C5orf46: variants seen among roughly 807,000 people sequenced by gnomAD.
C5orf46 encodes the protein uncharacterized protein C5orf46.
A neutral mutation model predicts 8.9 loss-of-function variants in C5orf46; 9 were observed. The ratio of observed to expected loss-of-function variants is 1.01; its 90% CI spans 0.61 to 1.76. The LOEUF is 1.76. Ranked by LOEUF, C5orf46 falls within the 40% of genes most tolerant of loss-of-function variation. The pLI is 0.00. For synonymous variants in C5orf46, 47 were observed against 41.4 expected, an observed-to-expected ratio of 1.14 and a Z score of -0.52; for missense variants, 98 against 107.8, an observed-to-expected ratio of 0.91 and a Z score of 0.40.
At chr5:147,888,806 T>C (rs970823527), downstream of C5orf46, among the ~76,000 whole-genome samples, 5 of 152,204 alleles carry the variant, frequency 3.3e-5, no homozygotes, top group Non-Finnish European at 7.3e-5. Flanking sequence ...TTGTTCAGTA[T>C]TTAAATTGTG....
intron 2 of C5orf46, among the ~76,000 whole-genome samples, chr5:147,898,375 C>G (rs1004344602): frequency 6.6e-6 from 1 of 151,820 alleles, no homozygotes; most frequent in Non-Finnish European, 1.5e-5. Flanking sequence ...TTGAGAAGAT[C>G]CTTAGATTTC....
rs186845960 is a variant in C5orf46 at position 147,895,840 on chromosome 5, G to A, written c.*9+1144C>T. ...TAAGAGTCAGGAGTGTCGGGGTTGGGCATGTTTTGATTTCAATGCCCAAGC... is the reference window on the plus strand; with the variant it reads ...TAAGAGTCAGGAGTGTCGGGGTTGGACATGTTTTGATTTCAATGCCCAAGC... On this transcript the variant is annotated intron_variant, in intron 3 of 3. Coordinates refer to ENST00000318315, the MANE Select transcript of C5orf46 (RefSeq NM_206966.3). 1.1e-4 allele frequency among the ~76,000 whole-genome samples: 16 copies of A among 152,280 alleles called. No homozygotes were observed. In the East Asian group the frequency reaches 1.7e-3, roughly 17 times the overall value.
chr5:147,890,700 G>A (rs1757490215), downstream of C5orf46, among the ~76,000 whole-genome samples: 1 of 152,078 alleles, frequency 6.6e-6, no homozygotes, highest in African/African-American at 2.4e-5. Flanking sequence ...GCACAGGGAA[G>A]AGGAAATGTA....
At chr5:147,891,218 T>G (rs192149127), downstream of C5orf46, among the ~76,000 whole-genome samples, 9 of 152,290 alleles carry the variant, frequency 5.9e-5, no homozygotes, top group African/African-American at 1.9e-4. Context: ...CTAATTCACT[T>G]CAATCGCATT....
At chr5:147,888,045 C>T (rs1239091958), downstream of C5orf46, among the ~76,000 whole-genome samples, 1 of 152,158 alleles carries the variant, frequency 6.6e-6, no homozygotes, top group South Asian at 2.1e-4. Flanking sequence ...ATTTTGTATC[C>T]AATGTTCTCC....
chr5:147,901,737 T>C lies in C5orf46; in HGVS notation c.107A>G (p.Asp36Gly). Reference protein sequence around the residue: ...KPDKPDDKPDDSGKDPKPDFP... With the variant: ...KPDKPDDKPDGSGKDPKPDFP... ...GTCTGGCTTTGGGTCTTTGCCCGAG[T>C]CGTCTGGCTTGTCGTCTGGCTTGTC... The change falls in exon 2 of 4, where the codon GAC becomes GGC. Residue 36 changes from aspartate (D) to glycine (G), a missense_variant. Transcript: ENST00000318315. The C allele has an allele frequency of 3.1e-6, 5 of 1,613,828 alleles. No homozygotes were observed. The South Asian group carries it at 5.5e-5, about 18-fold the overall frequency.
At chr5:147,901,006 C>T (rs748520814) in intron 2 of C5orf46, among the ~76,000 whole-genome samples, 3 of 152,062 alleles carry the variant, frequency 2.0e-5, no homozygotes, top group African/African-American at 4.8e-5. Context: ...GTGATCTGCC[C>T]GAAGGCAGTC....
chr5:147,887,706 A>G (rs1399106331), intron 2 of C5orf46: 2 of 152,220 alleles, frequency 1.3e-5, no homozygotes, highest in Non-Finnish European at 2.9e-5. Flanking sequence ...GATAATAACA[A>G]TAAAGGAAAA....
At chr5:147,904,908 AC>A (rs1194853746) in intron 1 of C5orf46, among the ~76,000 whole-genome samples, 12 of 150,202 alleles carry the variant, frequency 8.0e-5, no homozygotes, top group African/African-American at 2.7e-4. Context: ...TTATCGTAGT[AC>A]CAATCCCAAG....
chr5:147,894,499 C>T (rs1424025382), intron 3 of C5orf46, among the ~76,000 whole-genome samples: 2 of 152,024 alleles, frequency 1.3e-5, no homozygotes, highest in South Asian at 2.1e-4. Context: ...AGAATCTCTT[C>T]TCTCAGAGTT....
chr5:147,893,943 T>A (rs1757543407), intron 3 of C5orf46, among the ~76,000 whole-genome samples: 1 of 149,382 alleles, frequency 6.7e-6, no homozygotes, highest in Non-Finnish European at 1.5e-5. Context: ...AAAAGAAAAA[T>A]TTTCCATAAG....
chr5:147,897,040 CT>C lies in C5orf46; in HGVS notation c.216del (p.Gly73AspfsTer82). On this transcript the variant is annotated frameshift_variant and splice_region_variant, in exon 3 of 4. Transcript: ENST00000318315. LOFTEE classifies it high-confidence loss of function. ...EFILRSMSRS[T>X]GFMEFDDNEG... Reference sequence around the variant, plus strand: ...TCATTATCATCAAATTCCATAAATCCTCTTGAGAAAAAAAGAGAAAATAAGA... The same window carrying C: ...TCATTATCATCAAATTCCATAAATCCCTTGAGAAAAAAAGAGAAAATAAGA... 1 of 1,448,808 alleles carries C rather than the reference CT, an allele frequency of 6.9e-7. No homozygotes were observed. The highest frequency in any genetic ancestry group is 9.5e-7 in the Non-Finnish European group (1 of 1,051,784). The allele number at this position is 1,448,808 out of a possible 1,614,324, so 89.7% of individuals were successfully genotyped here. A position where few individuals can be genotyped will look rare whatever the true frequency, so the allele number is the denominator to read the frequency against.
intron 2 of C5orf46, among the ~76,000 whole-genome samples, chr5:147,898,349 G>T (rs115045567): frequency 6.6e-6 from 1 of 152,142 alleles, no homozygotes; most frequent in African/African-American, 2.4e-5. Context: ...TGAAGGTGAT[G>T]ATGAGCAGGA....
chr5:147,888,424 G>T (rs1757453554), downstream of C5orf46, among the ~76,000 whole-genome samples: 1 of 152,122 alleles, frequency 6.6e-6, no homozygotes, highest in Non-Finnish European at 1.5e-5. Flanking sequence ...TAACCTATGA[G>T]GTCCTGTAAG....
chr5:147,901,832 C>A, intron 1 of C5orf46, 59 bp from the exon 2 acceptor site: 1 of 1,555,808 alleles, frequency 6.4e-7, no homozygotes, highest in East Asian at 2.3e-5. Context: ...ATCATTCTTT[C>A]TGTGTGGGGA....
downstream of C5orf46, among the ~76,000 whole-genome samples, chr5:147,890,053 A>G (rs1314160611): frequency 6.6e-6 from 1 of 152,128 alleles, no homozygotes; most frequent in Non-Finnish European, 1.5e-5. Flanking sequence ...TCATCAAGTC[A>G]TGGATCAAAT....
At chr5:147,890,939 ACT>A (rs1463844761), downstream of C5orf46, among the ~76,000 whole-genome samples, 1 of 152,178 alleles carries the variant, frequency 6.6e-6, no homozygotes, top group Non-Finnish European at 1.5e-5. Flanking sequence ...AAATAGAATT[ACT>A]CTATCTACTC....
downstream of C5orf46, among the ~76,000 whole-genome samples, chr5:147,891,466 C>T (rs780532056): frequency 6.6e-6 from 1 of 152,182 alleles, no homozygotes; most frequent in Non-Finnish European, 1.5e-5. Context: ...GTCAGCGACC[C>T]GTTAGGAATT....
chr5:147,901,616 T>C lies in C5orf46; in HGVS notation c.215+13A>G. On this transcript the variant is annotated intron_variant, in intron 2 of 3. Transcript: ENST00000318315. ...AGAATTGGACAAAAAGCAACGTTTT[T>C]CTCAGTGCTTACGTGCTCCTGGACA... 1.2e-6 allele frequency: 2 copies of C among 1,610,928 alleles called. No individual in the cohort carries two copies. The highest frequency in any genetic ancestry group is 2.2e-5 in the East Asian group (1 of 44,786).
Sources: gnomAD v4.1 joint callset for allele counts (sites outside exome capture counted in the v4.1 genomes callset) on GRCh38, gnomAD v4.1.1 for gene constraint, MANE v1.5 for transcripts, NCBI Gene and HGNC (gene_info 2026-07-23, HGNC 2026-07-21) for gene names.